NIPAL2: variants seen among roughly 807,000 people sequenced by gnomAD.
NIPAL2 encodes NIPA like domain containing 2.
A neutral mutation model predicts 48.9 loss-of-function variants in NIPAL2; 43 were observed. The ratio of observed to expected loss-of-function variants is 0.88; its 90% confidence interval spans 0.69 to 1.13. The LOEUF is 1.13. Among genes scored for constraint, NIPAL2 ranks in the 50% most tolerant of loss-of-function variants. NIPAL2 has a pLI of 0.00. For missense variants in NIPAL2, 446 were observed against 461.4 expected (o/e 0.97, Z 0.31); for synonymous variants, 167 against 174.6 (o/e 0.96, Z 0.34).
At chr8:98,214,346 T>A (rs1175450635) in intron 5 of NIPAL2, among the ~76,000 whole-genome samples, 2 of 152,120 alleles carry the variant, frequency 1.3e-5, no homozygotes, top group Non-Finnish European at 2.9e-5. Context: ...GTATTTTTAG[T>A]AGAGACAGGG....
chr8:98,255,107 T>C (rs1813804708), intron 1 of NIPAL2, among the ~76,000 whole-genome samples: 2 of 152,340 alleles, frequency 1.3e-5, no homozygotes, highest in South Asian at 2.1e-4. Flanking sequence ...TCTACTGCTA[T>C]ATAAAATTGA....
chr8:98,237,652 T>G (rs765384000), intron 3 of NIPAL2, among the ~76,000 whole-genome samples: 14 of 152,212 alleles, frequency 9.2e-5, no homozygotes, highest in Non-Finnish European at 1.5e-4. Flanking sequence ...ACATTTGTCT[T>G]TATTTGATAA....
At chr8:98,249,904 T>C (rs1280926886) in intron 3 of NIPAL2, among the ~76,000 whole-genome samples, 1 of 151,760 alleles carries the variant, frequency 6.6e-6, no homozygotes, top group Non-Finnish European at 1.5e-5. Context: ...TCTGGTATAT[T>C]AGCAATCATC....
chr8:98,221,393 C>A (rs1375010629), intron 5 of NIPAL2, among the ~76,000 whole-genome samples: 1 of 149,670 alleles, frequency 6.7e-6, no homozygotes, highest in Non-Finnish European at 1.5e-5. Context: ...TCACTTTAAT[C>A]TTTTTCACTG....
Position 98,252,509 on chromosome 8 carries a change from A to G in NIPAL2, c.330T>C (p.Phe110=). ...GETGNFAAYG[F]APITLIAPLG... The stretch of plus-strand genomic sequence containing the variant: ...ACGGAGCGATCAGAGTAATGGGAGC[A>G]AATCCATAGGCTGCAAAGTTCCCCG... Residue 110 remains phenylalanine, a synonymous_variant, in exon 3 of 11, where the codon TTT becomes TTC. Coordinates refer to ENST00000430223, the MANE Select transcript of NIPAL2 (RefSeq NM_001321635.2). The G allele has an allele frequency of 6.2e-7, 1 of 1,614,102 alleles. No homozygotes were observed. The highest frequency in any genetic ancestry group is 2.2e-5 in the East Asian group (1 of 44,876).
intron 5 of NIPAL2, among the ~76,000 whole-genome samples, chr8:98,221,545 T>C (rs1192095316): frequency 6.6e-6 from 1 of 151,110 alleles, no homozygotes; most frequent in Non-Finnish European, 1.5e-5. Flanking sequence ...ATCTATCAAG[T>C]TTTTTTTTAA....
chr8:98,249,057 T>C (rs1323185524), intron 3 of NIPAL2, among the ~76,000 whole-genome samples: 1 of 152,136 alleles, frequency 6.6e-6, no homozygotes, highest in Non-Finnish European at 1.5e-5. Flanking sequence ...CTGCTGTCCC[T>C]TGAGATACAA....
intron 1 of NIPAL2, among the ~76,000 whole-genome samples, chr8:98,262,367 C>T (rs1440428764): frequency 6.7e-6 from 1 of 148,298 alleles, no homozygotes; most frequent in Non-Finnish European, 1.5e-5. Context: ...CATCAGTGTG[C>T]TGTATTCAGG....
intron 1 of NIPAL2, among the ~76,000 whole-genome samples, chr8:98,283,429 G>C (rs926996997): frequency 6.6e-6 from 1 of 152,164 alleles, no homozygotes; most frequent in African/African-American, 2.4e-5. Context: ...TTACAAAACA[G>C]CTTAATCCTG....
intron 1 of NIPAL2, among the ~76,000 whole-genome samples, chr8:98,263,423 G>A (rs1388757128): frequency 2.0e-5 from 3 of 150,650 alleles, no homozygotes; most frequent in South Asian, 2.1e-4. Context: ...TCTAATAGAT[G>A]CAATAAAAAA....
chr8:98,213,645 C>T (rs1811429847), intron 5 of NIPAL2, among the ~76,000 whole-genome samples: 1 of 151,910 alleles, frequency 6.6e-6, no homozygotes, highest in African/African-American at 2.4e-5. Flanking sequence ...CTTCAGATTG[C>T]TCCTGCCTGT....
At chr8:98,249,806 AT>A (rs1297476735) in intron 3 of NIPAL2, among the ~76,000 whole-genome samples, 3 of 148,874 alleles carry the variant, frequency 2.0e-5, no homozygotes, top group Non-Finnish European at 4.5e-5. Flanking sequence ...ATAATCGAAT[AT>A]ATTACACTCA....
Position 98,208,416 on chromosome 8 carries a change from C to A in NIPAL2, c.656-3170G>T, listed in dbSNP as rs149537018. Among the ~76,000 whole-genome samples the A allele has an allele frequency of 5.7e-3, 870 of 152,192 alleles. 11 individuals are homozygous for A. Among genetic ancestry groups the A allele is most frequent in the African/African-American group, 0.02 (831 of 41,522 alleles). On this transcript the variant is annotated intron_variant, in intron 6 of 10. Coordinates refer to ENST00000430223, the MANE Select transcript of NIPAL2 (RefSeq NM_001321635.2). The stretch of plus-strand genomic sequence containing the variant: ...CCATGGATAGAGAAGGACTTCCTGG[C>A]CTTCCTGGTTTCCTGATCAACCCAG...
In NIPAL2 at chr8:98,265,791, C is replaced by G. The variant is rs1362667797; in HGVS notation, c.136-11704G>C. 3.3e-3 allele frequency among the ~76,000 whole-genome samples: 477 copies of G among 142,690 alleles called. 3 individuals carry two copies. The highest frequency in any genetic ancestry group is 4.1e-3 in the Non-Finnish European group (269 of 65,396). 93.6% of individuals were successfully genotyped at this position (142,690 alleles called of 152,430 possible). ...GCCATCCCATTACTGGGTATATACC[C>G]AAAGGACTATAAATCATGCTGCTAT... On this transcript the variant is annotated intron_variant, in intron 1 of 10. Coordinates refer to ENST00000430223, the MANE Select transcript of NIPAL2 (RefSeq NM_001321635.2).
chr8:98,245,511 G>A (rs369303888), intron 3 of NIPAL2, among the ~76,000 whole-genome samples: 14 of 152,218 alleles, frequency 9.2e-5, no homozygotes, highest in South Asian at 6.2e-4. Context: ...AGGAACTGTC[G>A]TTCAGAGACA....
intron 6 of NIPAL2, among the ~76,000 whole-genome samples, chr8:98,206,763 C>T (rs545595227): frequency 4.2e-5 from 6 of 142,178 alleles, no homozygotes; most frequent in South Asian, 4.6e-4. Flanking sequence ...GGTGACAGAC[C>T]GAGACTCTGT....
chr8:98,216,410 G>A (rs1024505284), intron 5 of NIPAL2, among the ~76,000 whole-genome samples: 4 of 152,208 alleles, frequency 2.6e-5, no homozygotes, highest in Admixed American at 1.3e-4. Flanking sequence ...ATAGGGCTCA[G>A]CCACTCTGCT....
At chr8:98,266,464 T>A (rs1814750416) in intron 1 of NIPAL2, among the ~76,000 whole-genome samples, 2 of 148,544 alleles carry the variant, frequency 1.3e-5, no homozygotes, top group African/African-American at 5.0e-5. Flanking sequence ...TAGCCAGGCA[T>A]AGCAGCGTGC....
At chr8:98,229,131 T>A (rs1338959133) in intron 4 of NIPAL2, among the ~76,000 whole-genome samples, 2 of 152,190 alleles carry the variant, frequency 1.3e-5, no homozygotes, top group African/African-American at 4.8e-5. Context: ...GATGCCATCC[T>A]CTGCCCTCAT....
Sources: gnomAD v4.1 joint callset for allele counts (sites outside exome capture counted in the v4.1 genomes callset) on GRCh38, gnomAD v4.1.1 for gene constraint, MANE v1.5 for transcripts, NCBI Gene and HGNC (gene_info 2026-07-23, HGNC 2026-07-21) for gene names.